The following USP53 variants were observed in gnomAD, a reference collection of about 807,000 sequenced individuals.
The protein encoded by USP53 is ubiquitin carboxyl-terminal hydrolase 53.
A neutral mutation model predicts 94.9 loss-of-function variants in USP53; 71 were observed. That is an observed-to-expected ratio of 0.75 (90% CI 0.62 to 0.91). The LOEUF is 0.91. Among genes scored for constraint, USP53 ranks in the 40% least tolerant of loss-of-function variants. USP53 has a pLI of 0.00. For synonymous variants in USP53, 375 were observed against 422.7 expected (o/e 0.89, Z 1.39); for missense variants, 1,173 against 1,281.0 (o/e 0.92, Z 1.29).
At chr4:119,220,831 T>C (rs1009922512) in intron 3 of USP53, 2 of 152,196 alleles carry the variant, frequency 1.3e-5, no homozygotes, top group Admixed American at 6.5e-5. Flanking sequence ...CTACTCTATA[T>C]ACTACAAGTA....
intron 17 of USP53, among the ~76,000 whole-genome samples, chr4:119,284,492 A>G (rs1753860600): frequency 6.6e-6 from 1 of 151,864 alleles, no homozygotes; most frequent in Admixed American, 6.6e-5. Context: ...CCACAATGCC[A>G]TTTGGAATGT....
intron 17 of USP53, among the ~76,000 whole-genome samples, chr4:119,278,212 T>A (rs1752920727): frequency 6.7e-6 from 1 of 148,628 alleles, no homozygotes; most frequent in Non-Finnish European, 1.5e-5. Flanking sequence ...TCTTTACATT[T>A]TGGCATGATT....
Position 119,271,860 on chromosome 4 carries a change from A to C in USP53, c.2000A>C (p.Lys667Thr), listed in dbSNP as rs1398979657. 38 of 1,613,262 alleles carry C rather than the reference A, an allele frequency of 2.4e-5. No individual in the cohort carries two copies. The highest frequency in any genetic ancestry group is 3.2e-5 in the Non-Finnish European group (38 of 1,179,880). ...ESNGKGAEKN[K>T]GLVEGKVHGD... is the part of the protein sequence containing the mutation. ...AATGGAAAAGGAGCAGAGAAAAATAAAGGCCTTGTAGAGGGTAAAGTGCAT... is the reference window on the plus strand; with the variant it reads ...AATGGAAAAGGAGCAGAGAAAAATACAGGCCTTGTAGAGGGTAAAGTGCAT... The change falls in exon 16 of 19, where the codon AAA (lysine) becomes ACA (threonine). Residue 667 changes from lysine to threonine, a missense_variant. Coordinates refer to ENST00000692078, the MANE Select transcript of USP53 (RefSeq NM_001371395.1).
upstream of USP53, chr4:119,212,673 G>C (rs1743007725): frequency 2.9e-6 from 1 of 347,514 alleles, no homozygotes; most frequent in African/African-American, 2.1e-5. Flanking sequence ...CCGCTCACAG[G>C]GTCGGGCTCT....
chr4:119,248,158 A>G (rs1001298566), intron 6 of USP53, among the ~76,000 whole-genome samples: 1 of 152,050 alleles, frequency 6.6e-6, no homozygotes, highest in Non-Finnish European at 1.5e-5. Context: ...ATTGAAAATC[A>G]TATTAACAAC....
At chr4:119,247,938 G>A (rs112234215) in intron 6 of USP53, among the ~76,000 whole-genome samples, 13 of 151,982 alleles carry the variant, frequency 8.6e-5, no homozygotes, top group African/African-American at 3.1e-4. Context: ...TAGTGAAACA[G>A]ATTTGTGAAA....
chr4:119,251,005 A>G (rs1748915552), intron 7 of USP53, among the ~76,000 whole-genome samples: 1 of 151,958 alleles, frequency 6.6e-6, no homozygotes, highest in Admixed American at 6.6e-5. Flanking sequence ...TGCTGCACCC[A>G]TCAACCTGTC....
Position 119,271,349 on chromosome 4 carries a change from A to G in USP53, c.1489A>G (p.Asn497Asp), listed in dbSNP as rs777898717. 98 of 1,601,072 alleles carry G rather than the reference A, an allele frequency of 6.1e-5. No homozygotes were observed. The South Asian group carries it at 9.2e-4, about 15-fold the overall frequency. ...HFQSGSPPAP[N>D]GFKQHGNPHL... is the part of the protein sequence containing the mutation. The stretch of plus-strand genomic sequence containing the variant: ...CCAATCTGGATCACCTCCTGCCCCA[A>G]ATGGTTTTAAACAACATGGGAATCC... Residue 497 changes from asparagine (N) to aspartate (D), a missense_variant, in exon 16 of 19, where the codon AAT (asparagine) becomes GAT (aspartate). By Grantham distance (23) the Asn-to-Asp change is conservative. Transcript: ENST00000692078.
In USP53 at chr4:119,239,301, T is replaced by TA. The variant is rs140456747; in HGVS notation, c.-452dup. The TA allele has an allele frequency of 0.15, 23,612 of 154,382 alleles. 2,266 individuals are homozygous for TA. Among genetic ancestry groups the TA allele is most frequent in the Middle Eastern group, 0.21 (63 of 302 alleles). The allele number at this position is 154,382 out of a possible 1,614,324, so 9.6% of individuals were successfully genotyped here. On this transcript the variant is annotated 5_prime_UTR_variant, in exon 5 of 19. The change abolishes the stop of an existing upstream ORF in the 5' untranslated region. Coordinates refer to ENST00000692078, the MANE Select transcript of USP53 (RefSeq NM_001371395.1). ...GGAAAGAGAGAGAAAACTTTCTTGTTAAAAAAACATAAGGAAAACAAACAA... is the reference window on the plus strand; with the variant it reads ...GGAAAGAGAGAGAAAACTTTCTTGTTAAAAAAAACATAAGGAAAACAAACAA...
At chr4:119,262,063 A>C (rs1347994682) in intron 12 of USP53, among the ~76,000 whole-genome samples, 199 bp downstream of exon 12, 1 of 152,174 alleles carries the variant, frequency 6.6e-6, no homozygotes, top group African/African-American at 2.4e-5. Context: ...CCAGCTTTTA[A>C]ACCAGTCCAT....
intron 17 of USP53, among the ~76,000 whole-genome samples, chr4:119,283,020 G>A (rs929839016): frequency 9.9e-5 from 15 of 151,776 alleles, no homozygotes; most frequent in African/African-American, 2.4e-4. Flanking sequence ...TAATGCCACC[G>A]TTATTTCTTT....
chr4:119,252,701 GT>G (rs1749191010), intron 7 of USP53, among the ~76,000 whole-genome samples: 2 of 151,842 alleles, frequency 1.3e-5, no homozygotes, highest in Admixed American at 6.6e-5. Flanking sequence ...ACCAGTGATT[GT>G]TTTGAAGGGT....
At chr4:119,254,003 C>G (rs1216054864) in intron 7 of USP53, among the ~76,000 whole-genome samples, 1 of 152,132 alleles carries the variant, frequency 6.6e-6, no homozygotes, top group African/African-American at 2.4e-5. Flanking sequence ...ATATAAAATT[C>G]TGGGTTGAAA....
intron 3 of USP53, chr4:119,220,312 CCTTTTA>C (rs2149263696): frequency 6.6e-6 from 1 of 152,162 alleles, no homozygotes; most frequent in East Asian, 1.9e-4. Context: ...CTGAGTTTTT[CCTTTTA>C]GCTGCACTAT....
chr4:119,256,435 A>T lies in USP53; in HGVS notation c.487-6A>T, dbSNP rs148073875. ...ATAGATTAAACATATGTTTTTACCT[A>T]TATAGTGTGTGTGTCGTAGCTGTGG... On this transcript the variant is annotated splice_region_variant and splice_polypyrimidine_tract_variant and intron_variant, in intron 8 of 18. Coordinates refer to ENST00000692078, the MANE Select transcript of USP53 (RefSeq NM_001371395.1). 1 of 1,613,928 alleles carries T rather than the reference A, an allele frequency of 6.2e-7. No individual in the cohort carries two copies. The highest frequency in any genetic ancestry group is 1.3e-5 in the African/African-American group (1 of 75,014).
chr4:119,257,385 A>G (rs1213757718), intron 9 of USP53, among the ~76,000 whole-genome samples: 1 of 152,192 alleles, frequency 6.6e-6, no homozygotes, highest in African/African-American at 2.4e-5. Flanking sequence ...GGTTGCAGTG[A>G]GCTGAGATTG....
chr4:119,260,537 C>T lies in USP53; in HGVS notation c.706C>T (p.Arg236Cys), dbSNP rs777053730. 1.1e-5 allele frequency: 17 copies of T among 1,613,396 alleles called. No individual in the cohort carries two copies. Among genetic ancestry groups the T allele is most frequent in the Admixed American group, 8.3e-5 (5 of 59,944 alleles). ...SNCGQKIKIRRVLMNCPEIVT... is the reference protein window; with the variant it reads ...SNCGQKIKIRCVLMNCPEIVT... ...CTGTGGCCAAAAAATAAAAATTCGC[C>T]GTGTTTTAATGAATTGCCCAGAGAT... The change falls in exon 11 of 19, where the codon CGT becomes TGT. Residue 236 changes from arginine to cysteine, a missense_variant. Arg to Cys is a radical substitution (Grantham distance 180). Coordinates refer to ENST00000692078, the MANE Select transcript of USP53 (RefSeq NM_001371395.1).
Position 119,256,421 on chromosome 4 carries a change from A to G in USP53, c.487-20A>G, listed in dbSNP as rs755151083. 11 of 1,613,722 alleles carry G rather than the reference A, an allele frequency of 6.8e-6. No homozygotes were observed. The highest frequency in any genetic ancestry group is 9.3e-6 in the Non-Finnish European group (11 of 1,179,690). On this transcript the variant is annotated intron_variant, in intron 8 of 18. Transcript: ENST00000692078. ...CTGTTTTATGATTGATAGATTAAAC[A>G]TATGTTTTTACCTATATAGTGTGTG...
intron 17 of USP53, among the ~76,000 whole-genome samples, chr4:119,274,203 C>T (rs1578540736): frequency 3.3e-5 from 5 of 150,908 alleles, no homozygotes; most frequent in Admixed American, 2.6e-4. Flanking sequence ...ACCACTAACT[C>T]GTCATCTAGC....
Sources: allele counts gnomAD v4.1 joint callset (sites outside exome capture counted in the v4.1 genomes callset), GRCh38; gene constraint gnomAD v4.1.1; transcripts MANE v1.5; gene names NCBI Gene and HGNC (gene_info 2026-07-23, HGNC 2026-07-21).